Variants in EXOC4 observed in about 807,000 individuals in gnomAD.
EXOC4 encodes SEC8-like 1.
Under a neutral mutation model 107.2 loss-of-function variants are expected in EXOC4, and 71 were observed. The observed-to-expected ratio is 0.66, with a 90% CI of 0.55 to 0.81. EXOC4 has a LOEUF of 0.81. Among genes scored for constraint, EXOC4 ranks in the 30% least tolerant of loss-of-function variants. The pLI is 0.00. For synonymous variants in EXOC4, 456 were observed against 441.2 expected, an observed-to-expected ratio of 1.03 and a Z score of -0.42; for missense variants, 1,108 against 1,189.6, an observed-to-expected ratio of 0.93 and a Z score of 1.01.
At chr7:133,596,611 G>C (rs972688281) in intron 9 of EXOC4, among the ~76,000 whole-genome samples, 1 of 152,182 alleles carries the variant, frequency 6.6e-6, no homozygotes, top group Admixed American at 6.5e-5. Context: ...CAAATAGGGT[G>C]AGCTTTAGTT....
At chr7:133,307,537 T>A (rs969088527) in intron 4 of EXOC4, among the ~76,000 whole-genome samples, 1 of 152,172 alleles carries the variant, frequency 6.6e-6, no homozygotes, top group Non-Finnish European at 1.5e-5. Flanking sequence ...ACATTTATTT[T>A]AAAAAAATTT....
At chr7:133,827,733 C>G (rs769170455) in intron 11 of EXOC4, among the ~76,000 whole-genome samples, 2 of 152,166 alleles carry the variant, frequency 1.3e-5, no homozygotes, top group South Asian at 2.1e-4. Flanking sequence ...AAGAATTCAT[C>G]TACTACATCT....
intron 10 of EXOC4, among the ~76,000 whole-genome samples, chr7:133,750,999 G>T (rs1010059472): frequency 6.6e-6 from 1 of 152,206 alleles, no homozygotes; most frequent in African/African-American, 2.4e-5. Context: ...GCCCACACAA[G>T]TGTGTTAGTG....
At chr7:133,302,717 G>A (rs983152312) in intron 3 of EXOC4, among the ~76,000 whole-genome samples, 2 of 152,032 alleles carry the variant, frequency 1.3e-5, no homozygotes, top group East Asian at 1.9e-4. Flanking sequence ...TCAGTGTTGC[G>A]TGTCACACTT....
chr7:133,669,237 T>TA (rs892102338), intron 10 of EXOC4, among the ~76,000 whole-genome samples: 2 of 151,866 alleles, frequency 1.3e-5, no homozygotes, highest in Non-Finnish European at 2.9e-5. Flanking sequence ...GATGCAGCCT[T>TA]TACAGTGGTG....
chr7:133,979,028 A>C (rs1585295974), intron 14 of EXOC4, among the ~76,000 whole-genome samples: 1 of 152,242 alleles, frequency 6.6e-6, no homozygotes, highest in South Asian at 2.1e-4. Flanking sequence ...ACGTATTTCC[A>C]AGAAAGCAGA....
intron 10 of EXOC4, among the ~76,000 whole-genome samples, chr7:133,803,789 CATAA>C (rs1018273906): frequency 6.6e-6 from 1 of 152,020 alleles, no homozygotes; most frequent in Non-Finnish European, 1.5e-5. Flanking sequence ...GATATGAAAA[CATAA>C]ATAAAATAGA....
At chr7:133,691,668 T>A (rs1794423412) in intron 10 of EXOC4, among the ~76,000 whole-genome samples, 1 of 152,038 alleles carries the variant, frequency 6.6e-6, no homozygotes, top group Admixed American at 6.6e-5. Context: ...TATCAGATAC[T>A]TATGAAATCC....
At chr7:133,735,594 C>T (rs919668901) in intron 10 of EXOC4, among the ~76,000 whole-genome samples, 1 of 152,146 alleles carries the variant, frequency 6.6e-6, no homozygotes, top group Admixed American at 6.5e-5. Context: ...CTTCTTCTAG[C>T]ATGACTCTAT....
At chr7:133,939,922 G>A (rs1268678670) in intron 14 of EXOC4, among the ~76,000 whole-genome samples, 1 of 152,102 alleles carries the variant, frequency 6.6e-6, no homozygotes, top group East Asian at 1.9e-4. Context: ...TCTAGAAAAA[G>A]TCAGAAAGAA....
At chr7:133,529,737 A>T (rs569408304) in intron 9 of EXOC4, among the ~76,000 whole-genome samples, 31 of 152,232 alleles carry the variant, frequency 2.0e-4, no homozygotes, top group African/African-American at 5.8e-4. Context: ...ATGTGGCATG[A>T]TTATTTAGGG....
At position 133,930,289 on chromosome 7, in the gene EXOC4, A is replaced by C. The variant is rs146445516; in HGVS notation, c.2028-7602A>C. On this transcript the variant is annotated intron_variant, in intron 13 of 17. Transcript: ENST00000253861. ...TCCTAGCGCCTAAAGAAAAAACATG[A>C]ACCTAATTGTTTATACCTAGTGTTG... Among the ~76,000 whole-genome samples the C allele has an allele frequency of 2.5e-3, 380 of 152,312 alleles. 1 individual carries two copies. The highest frequency in any genetic ancestry group is 8.8e-3 in the African/African-American group (366 of 41,574).
chr7:133,871,954 T>A (rs143678020), intron 11 of EXOC4, among the ~76,000 whole-genome samples: 4 of 152,336 alleles, frequency 2.6e-5, no homozygotes, highest in African/African-American at 9.6e-5. Flanking sequence ...TAAACACTTA[T>A]ATTTGTCATC....
At chr7:133,443,136 T>C (rs1798141511) in intron 7 of EXOC4, among the ~76,000 whole-genome samples, 1 of 152,208 alleles carries the variant, frequency 6.6e-6, no homozygotes, top group African/African-American at 2.4e-5. Flanking sequence ...GTGTTATAGC[T>C]GCTTTTTCTT....
intron 13 of EXOC4, among the ~76,000 whole-genome samples, chr7:133,924,639 C>T (rs1308479625): frequency 6.6e-6 from 1 of 152,126 alleles, no homozygotes; most frequent in Non-Finnish European, 1.5e-5. Context: ...AAGTGTATAA[C>T]TAAATGTAAT....
At chr7:133,369,930 G>A (rs1350614948) in intron 6 of EXOC4, among the ~76,000 whole-genome samples, 1 of 147,580 alleles carries the variant, frequency 6.8e-6, no homozygotes, top group Non-Finnish European at 1.5e-5. Context: ...TCAGCCTCCC[G>A]AGTAGCTGGG....
At chr7:133,890,509 C>A (rs1488477994) in intron 11 of EXOC4, among the ~76,000 whole-genome samples, 1 of 141,350 alleles carries the variant, frequency 7.1e-6, no homozygotes, top group Non-Finnish European at 1.5e-5. Flanking sequence ...ACGCCTATGT[C>A]CTGAATGGTA....
At chr7:134,077,852 T>C in the EXOC4 span, among the ~76,000 whole-genome samples, 3 of 152,382 alleles carry the variant, frequency 2.0e-5, no homozygotes, top group East Asian at 5.8e-4. Context: ...ACCTTCATTG[T>C]ACTTCTTAGA....
rs536413001 is a variant in EXOC4 at position 133,962,473 on chromosome 7, A to T, written c.2206+24404A>T. 6.6e-5 allele frequency among the ~76,000 whole-genome samples: 10 copies of T among 152,262 alleles called. No individual in the cohort carries two copies. In the South Asian group the frequency reaches 2.1e-3, roughly 32 times the overall value. Reference sequence around the variant, plus strand: ...CTCATTAGGTTAAATTAATTAAAAGATGATCATTGGGGCTACATAGCTTCA... The same window carrying T: ...CTCATTAGGTTAAATTAATTAAAAGTTGATCATTGGGGCTACATAGCTTCA... On this transcript the variant is annotated intron_variant, in intron 14 of 17. Transcript: ENST00000253861.
Sources: gnomAD v4.1 joint callset for allele counts (sites outside exome capture counted in the v4.1 genomes callset) on GRCh38, gnomAD v4.1.1 for gene constraint, MANE v1.5 for transcripts, NCBI Gene and HGNC (gene_info 2026-07-23, HGNC 2026-07-21) for gene names.